SLC38A9: variants seen among roughly 807,000 people sequenced by gnomAD.
The protein encoded by SLC38A9 is neutral amino acid transporter 9.
A neutral mutation model predicts 62.3 loss-of-function variants in SLC38A9; 48 were observed. The ratio of observed to expected loss-of-function variants is 0.77; its 90% CI spans 0.61 to 0.98. SLC38A9 has a LOEUF of 0.98. Ranked by LOEUF, SLC38A9 falls within the 50% of genes least tolerant of loss-of-function variation. The pLI, the probability that SLC38A9 is intolerant of heterozygous loss-of-function variation, is 0.00. For missense variants in SLC38A9, 541 were observed against 679.8 expected, an observed-to-expected ratio of 0.80 and a Z score of 2.27; for synonymous variants, 204 against 227.7, an observed-to-expected ratio of 0.90 and a Z score of 0.94.
intron 3 of SLC38A9, among the ~76,000 whole-genome samples, chr5:55,679,115 A>G (rs1413616486): frequency 6.9e-6 from 1 of 145,710 alleles, no homozygotes; most frequent in East Asian, 2.0e-4. Flanking sequence ...CTAATAATTA[A>G]AAATTTCTAT....
chr5:55,687,943 C>T (rs897949868), intron 3 of SLC38A9, among the ~76,000 whole-genome samples: 28 of 152,260 alleles, frequency 1.8e-4, no homozygotes, highest in African/African-American at 5.8e-4. Flanking sequence ...ATGATCCGCC[C>T]GCCTTGGCCT....
chr5:55,668,030 G>C (rs972669403), intron 7 of SLC38A9, among the ~76,000 whole-genome samples: 1 of 152,074 alleles, frequency 6.6e-6, no homozygotes, highest in African/African-American at 2.4e-5. Flanking sequence ...AAATTAACTG[G>C]GCATGGTGGT....
chr5:55,651,289 C>T (rs1318078229), intron 10 of SLC38A9, among the ~76,000 whole-genome samples: 2 of 120,640 alleles, frequency 1.7e-5, no homozygotes, highest in African/African-American at 6.2e-5. Flanking sequence ...CTCATTCTGT[C>T]ACCCAGGCTG....
intron 2 of SLC38A9, among the ~76,000 whole-genome samples, chr5:55,707,790 A>G (rs1757472976): frequency 6.6e-6 from 1 of 152,212 alleles, no homozygotes; most frequent in South Asian, 2.1e-4. Flanking sequence ...TGCCAATGTT[A>G]TAGTATTAAC....
At position 55,629,554 on chromosome 5, in the gene SLC38A9, G is replaced by A. The variant is rs192293177; in HGVS notation, c.1431-1574C>T. ...ATCTGCGCGTACTGCAGTACAGTACGCTGGAAGTCTTGAGGAAAAGTACCT... is the reference window on the plus strand; with the variant it reads ...ATCTGCGCGTACTGCAGTACAGTACACTGGAAGTCTTGAGGAAAAGTACCT... On this transcript the variant is annotated intron_variant, in intron 14 of 15. Coordinates refer to ENST00000396865, the MANE Select transcript of SLC38A9 (RefSeq NM_173514.4). Among the ~76,000 whole-genome samples the A allele has an allele frequency of 9.2e-5, 14 of 152,268 alleles. 1 individual carries two copies. Among genetic ancestry groups the A allele is most frequent in the Non-Finnish European group, 1.3e-4 (9 of 68,032 alleles).
At chr5:55,671,162 G>T (rs766833505) in intron 4 of SLC38A9, among the ~76,000 whole-genome samples, 2 of 150,408 alleles carry the variant, frequency 1.3e-5, no homozygotes, top group Admixed American at 1.3e-4. Context: ...TCTCATATGC[G>T]GTAGTTTTTA....
At chr5:55,673,674 A>C (rs1156372792) in intron 3 of SLC38A9, among the ~76,000 whole-genome samples, 1 of 151,694 alleles carries the variant, frequency 6.6e-6, no homozygotes, top group Non-Finnish European at 1.5e-5. Context: ...GTAGTAACAT[A>C]TGGTAACCAT....
At chr5:55,672,023 AT>A (rs899924780) in intron 4 of SLC38A9, among the ~76,000 whole-genome samples, 8 of 151,494 alleles carry the variant, frequency 5.3e-5, no homozygotes, top group Non-Finnish European at 7.4e-5. Flanking sequence ...AATTAAAAAA[AT>A]TTTTTTTTGT....
At chr5:55,683,510 G>T (rs796723739) in intron 3 of SLC38A9, among the ~76,000 whole-genome samples, 7 of 152,236 alleles carry the variant, frequency 4.6e-5, no homozygotes, top group African/African-American at 1.7e-4. Flanking sequence ...AGATAATCAA[G>T]AAGTTATTGA....
intron 2 of SLC38A9, among the ~76,000 whole-genome samples, chr5:55,710,641 G>C (rs1294116288): frequency 6.6e-6 from 1 of 151,744 alleles, no homozygotes; most frequent in Non-Finnish European, 1.5e-5. Context: ...TTTTGAGACG[G>C]AGCCTCACTC....
Position 55,652,693 on chromosome 5 carries a change from T to A in SLC38A9, c.788A>T (p.His263Leu). The change falls in exon 10 of 16, where the codon CAT becomes CTT. Residue 263 changes from histidine (H) to leucine (L), a missense_variant. Transcript: ENST00000396865. ...GAAAATCATAGAGCTGTTGTCAGGA[T>A]GGCCTCCACTCCCGGCACTTGGACA... ...VICPSAGSGG[H>L]PDNSSMIFYA... 6.2e-7 allele frequency: 1 copy of A among 1,613,180 alleles called. No homozygotes were observed. The highest frequency in any genetic ancestry group is 8.5e-7 in the Non-Finnish European group (1 of 1,179,428).
chr5:55,643,363 T>C (rs1268873573), intron 12 of SLC38A9, among the ~76,000 whole-genome samples: 1 of 152,234 alleles, frequency 6.6e-6, no homozygotes, highest in Non-Finnish European at 1.5e-5. Flanking sequence ...TGTTATTGAT[T>C]TGTATCTTCA....
intron 3 of SLC38A9, among the ~76,000 whole-genome samples, chr5:55,676,742 G>C (rs1399924926): frequency 6.6e-6 from 1 of 151,994 alleles, no homozygotes; most frequent in Non-Finnish European, 1.5e-5. Flanking sequence ...AGTATGCTAC[G>C]TAGGTACACA....
Position 55,626,234 on chromosome 5 carries a change from C to A in SLC38A9, c.*260G>T. On this transcript the variant is annotated 3_prime_UTR_variant, in exon 16 of 16. Coordinates refer to ENST00000396865, the MANE Select transcript of SLC38A9 (RefSeq NM_173514.4). ...CAGCATGATTTCTTCCTAGGGCATA[C>A]ATTTCTATTCAGAAAAGACCACAGA... 1 of 278,446 alleles carries A rather than the reference C, an allele frequency of 3.6e-6. No homozygotes were observed. Among genetic ancestry groups the A allele is most frequent in the Non-Finnish European group, 6.7e-6 (1 of 148,698 alleles). The allele number at this position is 278,446 out of a possible 1,614,324, so 17.2% of individuals were successfully genotyped here.
chr5:55,701,619 T>C (rs1756657531), intron 2 of SLC38A9, among the ~76,000 whole-genome samples: 1 of 152,208 alleles, frequency 6.6e-6, no homozygotes, highest in African/African-American at 2.4e-5. Flanking sequence ...TCAAGAATTG[T>C]AGAAAAGGGT....
At chr5:55,668,415 T>C (rs1750806819) in intron 7 of SLC38A9, among the ~76,000 whole-genome samples, 1 of 152,212 alleles carries the variant, frequency 6.6e-6, no homozygotes. Context: ...TTTTTATTTT[T>C]TAAGATGAAG....
chr5:55,635,613 A>G lies in SLC38A9; in HGVS notation c.1212T>C (p.Tyr404=). ...CIAYMLVTLT[Y]LYIGVLVFAS... ...CAAAAACCAGGACTCCAATATAGAG[A>G]TAAGTTAATGTCACCAGCATATAAG... The change falls in exon 13 of 16, where the codon TAT becomes TAC. Residue 404 remains tyrosine (Y), a synonymous_variant. Transcript: ENST00000396865. 1.2e-6 allele frequency: 2 copies of G among 1,613,956 alleles called. No individual in the cohort carries two copies. The highest frequency in any genetic ancestry group is 1.1e-5 in the South Asian group (1 of 91,078).
rs892942293 is a variant in SLC38A9, at chr5:55,626,279, T to C, written c.*215A>G. 7.1e-6 allele frequency: 3 copies of C among 424,838 alleles called. No homozygotes were observed. The highest frequency in any genetic ancestry group is 3.7e-5 in the Admixed American group (1 of 26,734). The allele number at this position is 424,838 out of a possible 1,614,324, so 26.3% of individuals were successfully genotyped here. A position where few individuals can be genotyped will look rare whatever the true frequency, so the allele number is the denominator to read the frequency against. On this transcript the variant is annotated 3_prime_UTR_variant, in exon 16 of 16. Coordinates refer to ENST00000396865, the MANE Select transcript of SLC38A9 (RefSeq NM_173514.4). ...CACAGAATAAAGAGGTGAGTTAATATGAGAAAGGTAAAGACACTAAGATCA... is the reference window on the plus strand; with the variant it reads ...CACAGAATAAAGAGGTGAGTTAATACGAGAAAGGTAAAGACACTAAGATCA...
At chr5:55,698,015 TTA>T in intron 2 of SLC38A9, 23 bp from the exon 3 acceptor site, 1 of 818,308 alleles carries the variant, frequency 1.2e-6, no homozygotes, top group Non-Finnish European at 2.0e-6. Context: ...GATAAATAAT[TTA>T]GTTTAATTTT....
Sources: gnomAD v4.1 joint callset for allele counts (sites outside exome capture counted in the v4.1 genomes callset) on GRCh38, gnomAD v4.1.1 for gene constraint, MANE v1.5 for transcripts, NCBI Gene and HGNC (gene_info 2026-07-23, HGNC 2026-07-21) for gene names.